Variants in NTRK3 observed in about 807,000 individuals in gnomAD.
The protein encoded by NTRK3 is NT-3 growth factor receptor.
A neutral mutation model predicts 91.7 loss-of-function variants in NTRK3; 24 were observed. The ratio of observed to expected loss-of-function variants is 0.26; its 90% CI spans 0.19 to 0.37. NTRK3 has a LOEUF of 0.37. Ranked by LOEUF, NTRK3 falls within the 10% of genes least tolerant of loss-of-function variation. The pLI, the probability that NTRK3 is intolerant of heterozygous loss-of-function variation, is 1.00. For missense variants in NTRK3, 880 were observed against 1,068.9 expected (o/e 0.82, Z 2.46); for synonymous variants, 483 against 404.0 (o/e 1.20, Z -2.34).
At chr15:87,864,352 G>A (rs990327610) in exon 19 of NTRK3, 1 of 231,362 alleles carries the variant, frequency 4.3e-6, no homozygotes, top group African/African-American at 2.2e-5. Context: ...GGAAAAGGAA[G>A]TATCCTAAGA....
intron 14 of NTRK3, among the ~76,000 whole-genome samples, chr15:87,946,918 A>G (rs2070587284): frequency 8.6e-6 from 1 of 116,116 alleles, no homozygotes; most frequent in Admixed American, 1.4e-4. Context: ...ATCTCGCTCT[A>G]TCGCCCAGGC....
chr15:87,909,717 A>C (rs192619050), intron 17 of NTRK3, among the ~76,000 whole-genome samples: 2 of 152,336 alleles, frequency 1.3e-5, no homozygotes, highest in Admixed American at 6.5e-5. Flanking sequence ...GCCTTAAATG[A>C]GGTAACTAAG....
At chr15:87,865,954 C>T (rs1596030712) in exon 19 of NTRK3, 1 of 231,310 alleles carries the variant, frequency 4.3e-6, no homozygotes, top group East Asian at 6.1e-5. Context: ...CAAAATGTGT[C>T]TCAAAAGCGG....
intron 3 of NTRK3, among the ~76,000 whole-genome samples, chr15:88,246,404 G>C (rs1598160915): frequency 6.6e-6 from 1 of 152,304 alleles, no homozygotes; most frequent in East Asian, 1.9e-4. Context: ...TATTTTCTGA[G>C]CACTACTTGT....
chr15:88,028,581 G>A (rs1360731248), intron 14 of NTRK3, among the ~76,000 whole-genome samples: 3 of 152,096 alleles, frequency 2.0e-5, no homozygotes, highest in African/African-American at 2.4e-5. Flanking sequence ...AGGAAAGGGC[G>A]GGCCAACCAG....
intron 13 of NTRK3, among the ~76,000 whole-genome samples, chr15:88,116,269 A>G (rs972832397): frequency 6.6e-6 from 1 of 152,190 alleles, no homozygotes; most frequent in African/African-American, 2.4e-5. Flanking sequence ...CAAAGAGGAT[A>G]GAACTGAAAT....
Position 88,215,565 on chromosome 15 carries a change from G to T in NTRK3, c.249-31266C>A, listed in dbSNP as rs186916785. Among the ~76,000 whole-genome samples, 57 of 152,326 alleles carry T rather than the reference G, an allele frequency of 3.7e-4. 1 individual carries two copies. The highest frequency in any genetic ancestry group is 1.3e-3 in the African/African-American group (53 of 41,566). ...GGCAGCTCAGGGGAGCCAGGCTGGGGCTGGGAGGAAAGCTGGGGGAAGAGG... is the reference window on the plus strand; with the variant it reads ...GGCAGCTCAGGGGAGCCAGGCTGGGTCTGGGAGGAAAGCTGGGGGAAGAGG... On this transcript the variant is annotated intron_variant, in intron 3 of 18. Coordinates refer to ENST00000394480, the Ensembl canonical transcript of NTRK3.
chr15:88,218,413 G>C (rs967403870), intron 3 of NTRK3, among the ~76,000 whole-genome samples: 1 of 152,176 alleles, frequency 6.6e-6, no homozygotes, highest in Admixed American at 6.5e-5. Context: ...ACAGCTTACT[G>C]TGACCCAGCA....
chr15:87,894,202 C>T (rs1261724580), intron 17 of NTRK3, among the ~76,000 whole-genome samples: 1 of 152,212 alleles, frequency 6.6e-6, no homozygotes, highest in Admixed American at 6.5e-5. Flanking sequence ...TGGCCTGTTC[C>T]ACCTTGCTTG....
chr15:88,157,465 C>G (rs1016652619), intron 5 of NTRK3, among the ~76,000 whole-genome samples: 1 of 152,090 alleles, frequency 6.6e-6, no homozygotes, highest in African/African-American at 2.4e-5. Context: ...CCCATCCTGC[C>G]CTGGCCTCTT....
At chr15:87,961,926 G>C (rs765141750) in intron 14 of NTRK3, among the ~76,000 whole-genome samples, 1 of 152,240 alleles carries the variant, frequency 6.6e-6, no homozygotes, top group East Asian at 1.9e-4. Flanking sequence ...ATACCAGAGA[G>C]GTGGGCCACA....
At chr15:88,103,548 G>T (rs1349169596) in intron 13 of NTRK3, among the ~76,000 whole-genome samples, 1 of 152,122 alleles carries the variant, frequency 6.6e-6, no homozygotes, top group Admixed American at 6.5e-5. Flanking sequence ...ACTGCCCATA[G>T]GTTTAACAGT....
chr15:87,896,230 T>C (rs1596134335), intron 17 of NTRK3, among the ~76,000 whole-genome samples: 2 of 152,130 alleles, frequency 1.3e-5, no homozygotes, highest in South Asian at 4.1e-4. Flanking sequence ...CCCAGCACTT[T>C]GGGAGGCCGA....
In NTRK3 at chr15:88,234,478, C is replaced by T. The variant is rs952146973; in HGVS notation, c.248+21428G>A. On this transcript the variant is annotated intron_variant, in intron 3 of 18. Transcript: ENST00000394480. The surrounding 1 kb of genome is among the most constrained non-coding windows in gnomAD (Gnocchi z 6.1). ...AGCCAGAATGAACTTTCTTCAGCTT[C>T]TTAAAGACACCATTGCTTCAGGGGC... Among the ~76,000 whole-genome samples, 1 of 152,234 alleles carries T rather than the reference C, an allele frequency of 6.6e-6. No individual in the cohort carries two copies. Among genetic ancestry groups the T allele is most frequent in the Non-Finnish European group, 1.5e-5 (1 of 68,042 alleles).
At chr15:88,228,188 C>T (rs1355919315) in intron 3 of NTRK3, among the ~76,000 whole-genome samples, 1 of 152,146 alleles carries the variant, frequency 6.6e-6, no homozygotes, top group Non-Finnish European at 1.5e-5. Flanking sequence ...CTCCTGGGCT[C>T]CCCACTGGAA....
rs191415292 is a variant in NTRK3 at position 88,247,325 on chromosome 15, G to A, written c.248+8581C>T. On this transcript the variant is annotated intron_variant, in intron 3 of 18. Coordinates refer to ENST00000394480, the Ensembl canonical transcript of NTRK3. ...GACCCACACCAGCTAGCGAGGCAGG[G>A]CCCTTCGTTCTGGGCTGCCTTGTGC... Among the ~76,000 whole-genome samples, 318 of 152,316 alleles carry A rather than the reference G, an allele frequency of 2.1e-3. 1 individual carries two copies. Among genetic ancestry groups the A allele is most frequent in the Non-Finnish European group, 2.6e-3 (176 of 68,030 alleles).
chr15:88,109,170 G>A (rs1406272476), intron 13 of NTRK3, among the ~76,000 whole-genome samples: 1 of 152,220 alleles, frequency 6.6e-6, no homozygotes, highest in Non-Finnish European at 1.5e-5. Flanking sequence ...TAGAACAGGT[G>A]GCAGATCACT....
chr15:88,242,978 C>A (rs2052505541), intron 3 of NTRK3, among the ~76,000 whole-genome samples: 2 of 152,194 alleles, frequency 1.3e-5, no homozygotes, highest in Admixed American at 1.3e-4. Flanking sequence ...GGGATGGGAG[C>A]CAGAAGTCCC....
At chr15:88,213,017 C>T (rs1045995452) in intron 3 of NTRK3, among the ~76,000 whole-genome samples, 8 of 152,236 alleles carry the variant, frequency 5.3e-5, no homozygotes, top group African/African-American at 1.9e-4. Flanking sequence ...CGCCAACAGC[C>T]CATGCAGAAT....
Sources: allele counts gnomAD v4.1 joint callset (sites outside exome capture counted in the v4.1 genomes callset), GRCh38; gene constraint gnomAD v4.1.1; non-coding constraint Gnocchi (gnomAD v3.1); transcripts MANE v1.5; gene names NCBI Gene and HGNC (gene_info 2026-07-23, HGNC 2026-07-21).